Variants in ZFHX3 observed in about 807,000 individuals in gnomAD.
The protein encoded by ZFHX3 is zinc finger homeobox protein 3.
Under a neutral mutation model 279.1 loss-of-function variants are expected in ZFHX3, and 42 were observed. That is an observed-to-expected ratio of 0.15 (90% CI 0.12 to 0.19). The LOEUF (loss-of-function observed/expected upper bound fraction) is 0.19, where lower values mean the gene tolerates loss of function less well. ZFHX3 is among the 10% of genes least tolerant of loss of function. The pLI, the probability that ZFHX3 is intolerant of heterozygous loss-of-function variation, is 1.00. For synonymous variants in ZFHX3, 2,293 were observed against 1,957.8 expected (o/e 1.17, Z -4.52); for missense variants, 4,981 against 4,754.0 (o/e 1.05, Z -1.40).
chr16:73,434,071 T>C (rs61431838), intron 3 of ZFHX3, among the ~76,000 whole-genome samples: 191 of 152,302 alleles, frequency 1.3e-3, no homozygotes, highest in African/African-American at 4.3e-3. Flanking sequence ...CTATCAGGAC[T>C]AGTGGTCAGT....
At chr16:73,808,082 T>C in intron 1 of ZFHX3, among the ~76,000 whole-genome samples, 1 of 152,198 alleles carries the variant, frequency 6.6e-6, no homozygotes, top group African/African-American at 2.4e-5. Context: ...TTAAACTTTC[T>C]ATTAAGGGTG....
At chr16:73,453,635 T>C (rs1006901437) in intron 3 of ZFHX3, among the ~76,000 whole-genome samples, 1 of 152,196 alleles carries the variant, frequency 6.6e-6, no homozygotes, top group Admixed American at 6.5e-5. Flanking sequence ...GGATTCCATA[T>C]GGAAAAGCAA....
Position 72,959,477 on chromosome 16 carries a change from C to T in ZFHX3, c.669G>A (p.Gly223=), listed in dbSNP as rs1308873417. 1.2e-6 allele frequency: 2 copies of T among 1,614,248 alleles called. No individual in the cohort carries two copies. The highest frequency in any genetic ancestry group is 1.7e-6 in the Non-Finnish European group (2 of 1,180,042). The change falls in exon 2 of 10, where the codon GGG becomes GGA. Residue 223 remains glycine, a synonymous_variant. Coordinates refer to ENST00000268489, the MANE Select transcript of ZFHX3 (RefSeq NM_006885.4). The part of the protein sequence containing the change: ...QAFPNTSALA[G]LSPVLHSFRV... ...GGAAGCTGTGCAGGACGGGGCTGAGCCCCGCCAGGGCTGAGGTATTCGGGA... is the reference window on the plus strand; with the variant it reads ...GGAAGCTGTGCAGGACGGGGCTGAGTCCCGCCAGGGCTGAGGTATTCGGGA...
intron 1 of ZFHX3, among the ~76,000 whole-genome samples, chr16:73,756,571 A>C (rs879278249): frequency 0.014 from 2,083 of 152,268 alleles, 21 homozygotes; most frequent in Middle Eastern, 0.031. Context: ...AGGGAGACCA[A>C]GCTGACCTTG....
chr16:73,792,924 GT>G (rs1435998652), intron 1 of ZFHX3, among the ~76,000 whole-genome samples: 3 of 151,452 alleles, frequency 2.0e-5, no homozygotes, highest in African/African-American at 7.3e-5. Context: ...ATGGTTTGGG[GT>G]TGACGTTTGT....
chr16:73,661,723 G>GAA (rs112763443), intron 2 of ZFHX3, among the ~76,000 whole-genome samples: 55 of 56,736 alleles, frequency 9.7e-4, no homozygotes, highest in African/African-American at 2.3e-3. Context: ...CTCCATCTCA[G>GAA]AAAAAAAAAA....
chr16:73,632,592 A>C (rs1167635005), intron 2 of ZFHX3, among the ~76,000 whole-genome samples: 1 of 151,942 alleles, frequency 6.6e-6, no homozygotes, highest in Non-Finnish European at 1.5e-5. Flanking sequence ...AGACTGAGGC[A>C]GGAGAATTGC....
chr16:73,609,371 C>A (rs56237241), intron 2 of ZFHX3: 29,322 of 152,108 alleles, frequency 0.19, 3,010 homozygotes, highest in South Asian at 0.2. Context: ...ATATTTGACA[C>A]TTCTTCCATT....
At chr16:73,356,772 C>T (rs1232316215) in intron 3 of ZFHX3, among the ~76,000 whole-genome samples, 1 of 151,650 alleles carries the variant, frequency 6.6e-6, no homozygotes, top group Non-Finnish European at 1.5e-5. Flanking sequence ...TCACTCACGT[C>T]CTTTCAACAT....
At chr16:73,568,305 TAA>T (rs1166538697) in intron 2 of ZFHX3, among the ~76,000 whole-genome samples, 1 of 151,942 alleles carries the variant, frequency 6.6e-6, no homozygotes, top group Non-Finnish European at 1.5e-5. Flanking sequence ...AAAACAGTTT[TAA>T]GAGTTGGAAT....
intron 2 of ZFHX3, among the ~76,000 whole-genome samples, chr16:73,643,581 C>T (rs1463332685): frequency 1.3e-5 from 2 of 152,228 alleles, no homozygotes. Flanking sequence ...GGTGAAGTTA[C>T]CTTTTTCTCT....
At chr16:73,144,464 C>T (rs1220204168) in intron 5 of ZFHX3, 1 of 152,198 alleles carries the variant, frequency 6.6e-6, no homozygotes, top group African/African-American at 2.4e-5. Context: ...AACCCCAGCT[C>T]CCGAAGGGTT....
At chr16:73,460,135 T>C (rs2018448365) in intron 2 of ZFHX3, among the ~76,000 whole-genome samples, 1 of 152,228 alleles carries the variant, frequency 6.6e-6, no homozygotes, top group Admixed American at 6.5e-5. Context: ...CACTCTCTCC[T>C]TAACCCTTGG....
intron 6 of ZFHX3, among the ~76,000 whole-genome samples, chr16:73,132,917 T>C (rs1340676711): frequency 6.6e-6 from 1 of 152,240 alleles, no homozygotes; most frequent in Non-Finnish European, 1.5e-5. Context: ...CTGGTCGGTT[T>C]GGCCGATCGT....
chr16:73,531,204 C>A (rs954891882), intron 2 of ZFHX3, among the ~76,000 whole-genome samples: 6 of 152,170 alleles, frequency 3.9e-5, no homozygotes, highest in South Asian at 2.1e-4. Flanking sequence ...CCTTGGCCAC[C>A]CTTCTTTGCC....
chr16:73,326,237 C>A (rs1040916290), intron 3 of ZFHX3, among the ~76,000 whole-genome samples: 51 of 152,238 alleles, frequency 3.4e-4, no homozygotes, highest in African/African-American at 1.2e-3. Flanking sequence ...TCATATGCAA[C>A]GGCCATTTAA....
chr16:72,794,178 C>G lies in ZFHX3; in HGVS notation c.8504G>C (p.Cys2835Ser). The change falls in exon 9 of 10, where the codon TGT (cysteine) becomes TCT (serine). Residue 2835 changes from cysteine (C) to serine (S), a missense_variant. Transcript: ENST00000268489. This position sits in a 1 kb window ranked among gnomAD's most constrained non-coding sequence, Gnocchi z 4.2. ...TGTGATTGCTGTGTTGACAGAGGAACAGTCATCGTTGTCCAGCTTAGTTTG... is the reference window on the plus strand; with the variant it reads ...TGTGATTGCTGTGTTGACAGAGGAAGAGTCATCGTTGTCCAGCTTAGTTTG... ...FDQTKLDNDD[C>S]SSVNTAITDT... 6.2e-7 allele frequency: 1 copy of G among 1,614,200 alleles called. No homozygotes were observed. The highest frequency in any genetic ancestry group is 8.5e-7 in the Non-Finnish European group (1 of 1,180,040).
chr16:73,417,351 T>C lies in ZFHX3; in HGVS notation c.-1291+38652A>G, dbSNP rs183028747. ...AATCCAAATACAATCTATACTTTGG[T>C]ATTAGTATTGTACCCATTAATTAAG... On this transcript the variant is annotated intron_variant, in intron 3 of 17. Coordinates refer to the ZFHX3 transcript ENST00000641206. Among the ~76,000 whole-genome samples, 64 of 151,956 alleles carry C rather than the reference T, an allele frequency of 4.2e-4. 2 individuals are homozygous for C. The highest frequency in any genetic ancestry group is 1.5e-3 in the African/African-American group (63 of 41,334).
chr16:73,463,510 C>G (rs1442790373), intron 2 of ZFHX3, among the ~76,000 whole-genome samples: 1 of 152,162 alleles, frequency 6.6e-6, no homozygotes, highest in African/African-American at 2.4e-5. Flanking sequence ...TCTGGTATAA[C>G]CTGTGCTTTT....
Sources: gnomAD v4.1 joint callset for allele counts (sites outside exome capture counted in the v4.1 genomes callset) on GRCh38, gnomAD v4.1.1 for gene constraint, Gnocchi (gnomAD v3.1) non-coding constraint, MANE v1.5 for transcripts, NCBI Gene and HGNC (gene_info 2026-07-23, HGNC 2026-07-21) for gene names.